The following FRMD4A variants were observed in gnomAD, a reference collection of about 807,000 sequenced individuals.
FRMD4A encodes the protein FERM domain-containing protein 4A.
FRMD4A carries 29 observed loss-of-function variants against 129.1 expected under a neutral mutation model. The ratio of observed to expected loss-of-function variants is 0.22; its 90% CI spans 0.17 to 0.31. FRMD4A has a LOEUF of 0.31. FRMD4A is among the 10% of genes least tolerant of loss of function. The pLI is 1.00. For missense variants in FRMD4A, 1,272 were observed against 1,375.8 expected (o/e 0.92, Z 1.19); for synonymous variants, 634 against 571.6 (o/e 1.11, Z -1.56).
At chr10:13,979,229 G>T (rs567344976) in intron 2 of FRMD4A, among the ~76,000 whole-genome samples, 1 of 152,174 alleles carries the variant, frequency 6.6e-6, no homozygotes, top group Non-Finnish European at 1.5e-5. Context: ...TTGTTTAGGG[G>T]TTACATGCAG....
intron 2 of FRMD4A, among the ~76,000 whole-genome samples, chr10:14,257,762 C>A (rs1184051227): frequency 6.6e-6 from 1 of 152,116 alleles, no homozygotes; most frequent in Non-Finnish European, 1.5e-5. Context: ...GGAGTGCCAC[C>A]CGCCACCAGA....
At chr10:13,961,419 A>G (rs1169417770) in intron 2 of FRMD4A, among the ~76,000 whole-genome samples, 1 of 152,214 alleles carries the variant, frequency 6.6e-6, no homozygotes, top group African/African-American at 2.4e-5. Flanking sequence ...GGTGGGTATG[A>G]CAGTGCTTAG....
chr10:14,295,101 C>A lies in FRMD4A; in HGVS notation c.45+34957G>T, dbSNP rs141658584. Among the ~76,000 whole-genome samples the A allele has an allele frequency of 2.6e-3, 391 of 152,238 alleles. 1 individual carries two copies. Among genetic ancestry groups the A allele is most frequent in the African/African-American group, 8.8e-3 (366 of 41,560 alleles). ...CAGCCTGTATGAACTCAGGCCTTGGCATAGTTTTACATGGAGTGGAAGAAA... is the reference window on the plus strand; with the variant it reads ...CAGCCTGTATGAACTCAGGCCTTGGAATAGTTTTACATGGAGTGGAAGAAA... On this transcript the variant is annotated intron_variant, in intron 2 of 24. Transcript: ENST00000357447.
At chr10:13,806,733 T>G (rs754903117) in intron 4 of FRMD4A, among the ~76,000 whole-genome samples, 6 of 152,242 alleles carry the variant, frequency 3.9e-5, no homozygotes, top group Non-Finnish European at 5.9e-5. Flanking sequence ...TCCCAGGCAT[T>G]GGTATTTTAT....
intron 16 of FRMD4A, 99 bp from the exon 17 acceptor site, chr10:13,670,627 G>A (rs2083437837): frequency 8.5e-7 from 1 of 1,173,844 alleles, no homozygotes; most frequent in African/African-American, 1.5e-5. Context: ...ACACAAAAAT[G>A]CACGCATGCA....
At chr10:14,215,706 T>C (rs1373965273) in intron 2 of FRMD4A, among the ~76,000 whole-genome samples, 3 of 152,028 alleles carry the variant, frequency 2.0e-5, no homozygotes, top group Non-Finnish European at 4.4e-5. Context: ...TTGAGGATCT[T>C]GGGGGAAGCC....
intron 2 of FRMD4A, among the ~76,000 whole-genome samples, chr10:14,092,015 A>G (rs1836688698): frequency 6.6e-6 from 1 of 152,198 alleles, no homozygotes; most frequent in African/African-American, 2.4e-5. Flanking sequence ...AGCAAGGGAC[A>G]GTTTCTATTC....
chr10:13,782,647 T>C (rs112763949), intron 6 of FRMD4A, among the ~76,000 whole-genome samples: 1 of 152,250 alleles, frequency 6.6e-6, no homozygotes, highest in African/African-American at 2.4e-5. Flanking sequence ...TTTCACCACG[T>C]TGGCCAGGAT....
intron 2 of FRMD4A, among the ~76,000 whole-genome samples, chr10:14,191,650 A>T (rs1321442385): frequency 6.6e-6 from 1 of 152,250 alleles, no homozygotes; most frequent in East Asian, 1.9e-4. Context: ...CGATATTCCA[A>T]TCATCAGTCT....
At chr10:13,949,204 G>A (rs903118664) in intron 2 of FRMD4A, among the ~76,000 whole-genome samples, 4 of 151,480 alleles carry the variant, frequency 2.6e-5, no homozygotes, top group Non-Finnish European at 4.4e-5. Context: ...ACTCAGTAAA[G>A]GCAGGTTCTG....
intron 15 of FRMD4A, among the ~76,000 whole-genome samples, chr10:13,683,433 C>A (rs980223852): frequency 8.1e-5 from 12 of 148,442 alleles, no homozygotes; most frequent in Non-Finnish European, 1.0e-4. Flanking sequence ...AAAAAAAAAA[C>A]AAAAAATAAA....
At chr10:13,775,010 A>C (rs189446581) in intron 6 of FRMD4A, among the ~76,000 whole-genome samples, 7 of 152,142 alleles carry the variant, frequency 4.6e-5, no homozygotes, top group Admixed American at 4.6e-4. Flanking sequence ...TCCAGAGAAG[A>C]GATTAAAGTA....
In FRMD4A at chr10:13,809,968, T is replaced by C. The variant is rs912563331; in HGVS notation, c.206+846A>G. 3.9e-5 allele frequency among the ~76,000 whole-genome samples: 6 copies of C among 152,352 alleles called. No homozygotes were observed. The South Asian group carries it at 1.0e-3, about 26-fold the overall frequency. On this transcript the variant is annotated intron_variant, in intron 4 of 24. Transcript: ENST00000357447. ...CTGTTCTTGCTTCAGTGGCACCACC[T>C]GATTCCCAGGGCCTCGGCTCCCCTG...
intron 2 of FRMD4A, among the ~76,000 whole-genome samples, chr10:14,185,909 G>T (rs7905928): frequency 0.37 from 55,694 of 152,034 alleles, 10,286 homozygotes; most frequent in East Asian, 0.52. Flanking sequence ...GAGAGAGACT[G>T]GGCAGGAACT....
chr10:13,903,528 A>C (rs759506316), intron 2 of FRMD4A, among the ~76,000 whole-genome samples: 32 of 152,176 alleles, frequency 2.1e-4, no homozygotes, highest in South Asian at 8.3e-4. Context: ...CAGGAGTTTG[A>C]GACCAGCCTG....
At chr10:13,809,473 A>G (rs2093409956) in intron 4 of FRMD4A, among the ~76,000 whole-genome samples, 1 of 152,144 alleles carries the variant, frequency 6.6e-6, no homozygotes, top group Admixed American at 6.5e-5. Flanking sequence ...AATAATCTAC[A>G]TTTGTAAAAG....
At chr10:13,911,488 G>A (rs68047258) in intron 2 of FRMD4A, among the ~76,000 whole-genome samples, 35,949 of 152,070 alleles carry the variant, frequency 0.24, 4,337 homozygotes, top group African/African-American at 0.29. Context: ...CACCTGCAAG[G>A]AAATGCATTT....
At chr10:13,842,758 A>G (rs2093986299) in intron 3 of FRMD4A, among the ~76,000 whole-genome samples, 1 of 152,202 alleles carries the variant, frequency 6.6e-6, no homozygotes, top group Admixed American at 6.5e-5. Context: ...GACTGTCCTT[A>G]TTCAAGGCTG....
At chr10:13,989,663 C>T (rs2095596486) in intron 2 of FRMD4A, among the ~76,000 whole-genome samples, 1 of 152,148 alleles carries the variant, frequency 6.6e-6, no homozygotes. Flanking sequence ...TGGACAGGTA[C>T]AGCTCAGTTG....
Sources: gnomAD v4.1 joint callset for allele counts (sites outside exome capture counted in the v4.1 genomes callset) on GRCh38, gnomAD v4.1.1 for gene constraint, MANE v1.5 for transcripts, NCBI Gene and HGNC (gene_info 2026-07-23, HGNC 2026-07-21) for gene names.